The following CHODL variants were observed in gnomAD, a reference collection of about 807,000 sequenced individuals.
CHODL encodes the protein transmembrane protein MT75.
A neutral mutation model predicts 34.5 loss-of-function variants in CHODL; 29 were observed. That is an observed-to-expected ratio of 0.84 (90% confidence interval 0.63 to 1.15). CHODL has a LOEUF of 1.15. Ranked by LOEUF, CHODL falls within the 50% of genes most tolerant of loss-of-function variation. CHODL has a pLI of 0.00. For synonymous variants in CHODL, 125 were observed against 116.1 expected, an observed-to-expected ratio of 1.08 and a Z score of -0.49; for missense variants, 332 against 332.5, an observed-to-expected ratio of 1.00 and a Z score of 0.01.
intron 2 of CHODL, among the ~76,000 whole-genome samples, chr21:18,199,158 G>T (rs2073624008): frequency 6.6e-6 from 1 of 152,000 alleles, no homozygotes; most frequent in South Asian, 2.1e-4. Context: ...CATAGTAACA[G>T]AACTCCAGAA....
rs570705686 is a variant in CHODL at position 18,031,549 on chromosome 21, A to G, written c.-45+3578A>G. Among the ~76,000 whole-genome samples the G allele has an allele frequency of 6.6e-5, 10 of 151,968 alleles. No individual in the cohort carries two copies. The South Asian group carries it at 1.9e-3, about 28-fold the overall frequency. On this transcript the variant is annotated intron_variant, in intron 2 of 6. Transcript: ENST00000400127. ...TGAAAAATAGATTTTTTTGGGGGGG[A>G]GAAAAATGCCATTACATTTGCCATT...
chr21:18,084,689 AT>A (rs1383855357), intron 2 of CHODL, among the ~76,000 whole-genome samples: 2 of 152,192 alleles, frequency 1.3e-5, no homozygotes, highest in Admixed American at 1.3e-4. Context: ...GGCCTAATAC[AT>A]GGTCTATCTT....
intron 1 of CHODL, among the ~76,000 whole-genome samples, chr21:17,925,171 A>T (rs2063213299): frequency 6.6e-6 from 1 of 152,232 alleles, no homozygotes; most frequent in Non-Finnish European, 1.5e-5. Context: ...GCGTATGAGC[A>T]GCCTCTGTAA....
At chr21:18,136,498 T>C (rs772225831) in intron 2 of CHODL, among the ~76,000 whole-genome samples, 6 of 152,016 alleles carry the variant, frequency 3.9e-5, no homozygotes, top group Non-Finnish European at 7.4e-5. Flanking sequence ...TGAATGCAAA[T>C]TGACATCCTA....
intron 1 of CHODL, among the ~76,000 whole-genome samples, chr21:18,008,291 A>G (rs1479133651): frequency 7.3e-6 from 1 of 137,800 alleles, no homozygotes; most frequent in Non-Finnish European, 1.6e-5. Flanking sequence ...ACGTTTTTAT[A>G]ATCTCCAAAA....
chr21:18,044,422 A>G (rs17696665), intron 2 of CHODL, among the ~76,000 whole-genome samples: 4,439 of 151,998 alleles, frequency 0.029, 97 homozygotes, highest in South Asian at 0.062. Flanking sequence ...AGACTGCAGA[A>G]AAAAGAAAAA....
intron 1 of CHODL, among the ~76,000 whole-genome samples, chr21:17,951,030 G>A (rs1379718675): frequency 1.3e-5 from 2 of 151,464 alleles, no homozygotes; most frequent in African/African-American, 4.9e-5. Flanking sequence ...ACATACTTAC[G>A]TATAACTATA....
intron 1 of CHODL, among the ~76,000 whole-genome samples, chr21:17,925,129 G>A (rs559574173): frequency 1.3e-4 from 20 of 152,308 alleles, no homozygotes; most frequent in African/African-American, 4.6e-4. Flanking sequence ...TGGAAGAAAG[G>A]AAAGGACACA....
intron 2 of CHODL, among the ~76,000 whole-genome samples, chr21:18,189,629 A>ATTTTTTTTTTTTTTTTTTTTTTTTTT (rs35604998): frequency 1.1e-5 from 1 of 94,596 alleles, no homozygotes; most frequent in African/African-American, 3.9e-5. Flanking sequence ...GAAGTGGGCA[A>ATTTTTTTTTTTTTTTTTTTTTTTTTT]TTTTTTTTTT....
chr21:17,933,893 G>T lies in CHODL; in HGVS notation c.-145+16493G>T, dbSNP rs142636855. On this transcript the variant is annotated intron_variant, in intron 1 of 6. Coordinates refer to the CHODL transcript ENST00000400127. ...ATCTCTACTAAAAATACAAAAATTA[G>T]CTGGGCATGGTGGCATGCACCTGTA... 4.3e-3 allele frequency among the ~76,000 whole-genome samples: 654 copies of T among 152,078 alleles called. 6 individuals carry two copies. The highest frequency in any genetic ancestry group is 0.014 in the African/African-American group (595 of 41,472).
At chr21:18,061,679 C>G (rs571821862) in intron 2 of CHODL, among the ~76,000 whole-genome samples, 2 of 152,244 alleles carry the variant, frequency 1.3e-5, no homozygotes, top group East Asian at 3.9e-4. Flanking sequence ...AGAGGGAACA[C>G]CAACAAAAGA....
chr21:18,028,268 T>TCCCTC (rs2064202172), intron 2 of CHODL, among the ~76,000 whole-genome samples: 6 of 80,698 alleles, frequency 7.4e-5, no homozygotes, highest in African/African-American at 3.1e-4. Flanking sequence ...CTTTTTCTTT[T>TCCCTC]TCCTTTTCCC....
chr21:17,931,929 G>A (rs1201941536), intron 1 of CHODL, among the ~76,000 whole-genome samples: 1 of 152,126 alleles, frequency 6.6e-6, no homozygotes, highest in African/African-American at 2.4e-5. Flanking sequence ...AAAAGTAAAT[G>A]CAACAAGAAC....
chr21:18,066,111 A>G (rs1410279141), intron 2 of CHODL, among the ~76,000 whole-genome samples: 1 of 152,152 alleles, frequency 6.6e-6, no homozygotes, highest in Non-Finnish European at 1.5e-5. Flanking sequence ...TTTCTTTTTC[A>G]TGGCCCCAAA....
intron 2 of CHODL, among the ~76,000 whole-genome samples, chr21:18,223,805 G>A (rs1275122089): frequency 6.6e-6 from 1 of 152,022 alleles, no homozygotes; most frequent in African/African-American, 2.4e-5. Context: ...TTTGTTACTC[G>A]AACCAACGTT....
chr21:18,232,497 C>A (rs771163486), intron 2 of CHODL, among the ~76,000 whole-genome samples: 1 of 152,048 alleles, frequency 6.6e-6, no homozygotes, highest in Non-Finnish European at 1.5e-5. Context: ...GCCTCTTTAA[C>A]GAGGGCACTA....
At chr21:18,251,725 A>ATATTTTATT (rs1568958088) in intron 1 of CHODL, among the ~76,000 whole-genome samples, 12 of 114,784 alleles carry the variant, frequency 1.0e-4, no homozygotes, top group Non-Finnish European at 1.7e-4. Flanking sequence ...TATAAAATAA[A>ATATTTTATT]TATTTATTTT....
At chr21:18,219,152 G>C (rs2073859158) in intron 2 of CHODL, among the ~76,000 whole-genome samples, 1 of 152,128 alleles carries the variant, frequency 6.6e-6, no homozygotes, top group Admixed American at 6.6e-5. Context: ...CTACTGTAAA[G>C]AACTGCCTGA....
chr21:18,191,057 G>A (rs1056430370), intron 2 of CHODL, among the ~76,000 whole-genome samples: 19 of 152,074 alleles, frequency 1.2e-4, no homozygotes, highest in African/African-American at 4.6e-4. Context: ...TCAGAGAAGA[G>A]TTTGTATAAA....
Sources: allele counts gnomAD v4.1 joint callset (sites outside exome capture counted in the v4.1 genomes callset), GRCh38; gene constraint gnomAD v4.1.1; transcripts MANE v1.5; gene names NCBI Gene and HGNC (gene_info 2026-07-23, HGNC 2026-07-21).